ARHGAP24: variants seen among roughly 807,000 people sequenced by gnomAD.
ARHGAP24 encodes the protein rho GTPase-activating protein 24.
A neutral mutation model predicts 76.4 loss-of-function variants in ARHGAP24; 50 were observed. That is an observed-to-expected ratio of 0.65 (90% CI 0.52 to 0.83). The LOEUF (loss-of-function observed/expected upper bound fraction) is 0.83, where lower values mean the gene tolerates loss of function less well. Among genes scored for constraint, ARHGAP24 ranks in the 40% least tolerant of loss-of-function variants. The pLI is 0.00. For missense variants in ARHGAP24, 930 were observed against 914.2 expected, an observed-to-expected ratio of 1.02 and a Z score of -0.22; for synonymous variants, 345 against 323.3, an observed-to-expected ratio of 1.07 and a Z score of -0.72.
chr4:85,932,785 CG>C (rs1736415976), intron 4 of ARHGAP24, among the ~76,000 whole-genome samples: 1 of 152,178 alleles, frequency 6.6e-6, no homozygotes, highest in Admixed American at 6.5e-5. Context: ...AAGCGTTCAG[CG>C]GTTTTACGCT....
At chr4:85,580,467 A>T (rs1284807344) in intron 2 of ARHGAP24, among the ~76,000 whole-genome samples, 6 of 152,112 alleles carry the variant, frequency 3.9e-5, no homozygotes, top group Non-Finnish European at 5.9e-5. Context: ...GCTTCTTGCT[A>T]AAGTCCTATC....
At position 85,662,414 on chromosome 4, in the gene ARHGAP24, T is replaced by C. The variant is rs1281754693; in HGVS notation, c.181-59471T>C. Among the ~76,000 whole-genome samples the C allele has an allele frequency of 2.0e-5, 3 of 151,030 alleles. 1 individual carries two copies. Among genetic ancestry groups the C allele is most frequent in the African/African-American group, 5.0e-5 (2 of 40,314 alleles). On this transcript the variant is annotated intron_variant, in intron 2 of 9. Transcript: ENST00000395184. ...TTGAGTTCATTGTAGATTTTGGATA[T>C]TATCCCTTTGTCAGATGAGTTCGTT...
chr4:85,895,370 A>C (rs967541521), intron 3 of ARHGAP24, among the ~76,000 whole-genome samples: 1 of 152,132 alleles, frequency 6.6e-6, no homozygotes, highest in African/African-American at 2.4e-5. Context: ...ATTTATCTAC[A>C]CTATGGCCAG....
intron 2 of ARHGAP24, among the ~76,000 whole-genome samples, chr4:85,618,515 A>G (rs891989471): frequency 1.3e-5 from 2 of 152,122 alleles, no homozygotes; most frequent in Non-Finnish European, 2.9e-5. Context: ...GAGTTGCTGG[A>G]TCATATAGTA....
At chr4:85,486,009 G>T (rs1293712703) in intron 1 of ARHGAP24, among the ~76,000 whole-genome samples, 1 of 152,136 alleles carries the variant, frequency 6.6e-6, no homozygotes, top group Non-Finnish European at 1.5e-5. Context: ...AAAGTGCTGG[G>T]ATTACAGGCT....
intron 3 of ARHGAP24, among the ~76,000 whole-genome samples, chr4:85,821,764 T>C (rs1361029871): frequency 6.6e-6 from 1 of 152,194 alleles, no homozygotes; most frequent in Non-Finnish European, 1.5e-5. Context: ...TAGAATAATA[T>C]CAGATCATTA....
At chr4:85,662,442 G>A (rs1046562599) in intron 2 of ARHGAP24, among the ~76,000 whole-genome samples, 19 of 150,896 alleles carry the variant, frequency 1.3e-4, no homozygotes, top group Middle Eastern at 3.4e-3. Context: ...AGTTCGTTGC[G>A]AAAATTTTCT....
intron 3 of ARHGAP24, among the ~76,000 whole-genome samples, chr4:85,770,548 C>G (rs1038317179): frequency 5.9e-5 from 9 of 152,174 alleles, no homozygotes; most frequent in Non-Finnish European, 1.0e-4. Context: ...TCCTCTCAAT[C>G]CTCAAAGATG....
At chr4:85,556,094 G>A (rs1726350840) in intron 1 of ARHGAP24, among the ~76,000 whole-genome samples, 3 of 152,090 alleles carry the variant, frequency 2.0e-5, no homozygotes, top group African/African-American at 4.8e-5. Context: ...GTGGGTGGGG[G>A]TGACTGCAAC....
chr4:85,494,039 ATACT>A (rs1345731773), intron 1 of ARHGAP24, among the ~76,000 whole-genome samples: 1 of 152,202 alleles, frequency 6.6e-6, no homozygotes, highest in African/African-American at 2.4e-5. Context: ...GAATATTTAC[ATACT>A]TAAGTGAGTT....
chr4:85,642,708 T>A (rs938948500), intron 2 of ARHGAP24, among the ~76,000 whole-genome samples: 1 of 152,186 alleles, frequency 6.6e-6, no homozygotes, highest in African/African-American at 2.4e-5. Context: ...CCACTATCAT[T>A]TCTTACCTAG....
At chr4:85,570,364 C>CTCTT (rs56272553) in intron 1 of ARHGAP24, among the ~76,000 whole-genome samples, 158 bp from the exon 2 acceptor site, 19 of 140,064 alleles carry the variant, frequency 1.4e-4, no homozygotes, top group African/African-American at 5.1e-4. Flanking sequence ...TTCTTTCTTT[C>CTCTT]TCTTTCTTTC....
intron 4 of ARHGAP24, among the ~76,000 whole-genome samples, chr4:85,938,485 T>A (rs1200617304): frequency 6.6e-6 from 1 of 152,228 alleles, no homozygotes; most frequent in Non-Finnish European, 1.5e-5. Flanking sequence ...TCTGTTTTTT[T>A]AAAATGATTT....
chr4:85,795,328 T>C (rs974155436), intron 3 of ARHGAP24, among the ~76,000 whole-genome samples: 3 of 152,242 alleles, frequency 2.0e-5, no homozygotes, highest in South Asian at 2.1e-4. Context: ...TCCCTTCCTT[T>C]TTCTCCCTCT....
At chr4:85,945,879 A>G (rs1447965202) in intron 5 of ARHGAP24, among the ~76,000 whole-genome samples, 1 of 152,060 alleles carries the variant, frequency 6.6e-6, no homozygotes, top group African/African-American at 2.4e-5. Flanking sequence ...AAAATAATTT[A>G]CTATTCTGTA....
intron 3 of ARHGAP24, among the ~76,000 whole-genome samples, chr4:85,876,891 C>T (rs921745873): frequency 3.9e-5 from 6 of 152,122 alleles, no homozygotes; most frequent in Non-Finnish European, 8.8e-5. Flanking sequence ...AACAGCTGCA[C>T]GTTTGCAGGT....
At chr4:85,656,767 A>G (rs950324385) in intron 2 of ARHGAP24, among the ~76,000 whole-genome samples, 1 of 149,880 alleles carries the variant, frequency 6.7e-6, no homozygotes, top group Non-Finnish European at 1.5e-5. Flanking sequence ...CGCCTGGCCA[A>G]TAAAGCTTAT....
At chr4:85,794,964 A>G (rs1334350876) in intron 3 of ARHGAP24, among the ~76,000 whole-genome samples, 1 of 152,218 alleles carries the variant, frequency 6.6e-6, no homozygotes, top group Non-Finnish European at 1.5e-5. Context: ...CTCTTGGGTT[A>G]TCCCCCTTAA....
intron 2 of ARHGAP24, among the ~76,000 whole-genome samples, chr4:85,609,450 G>T (rs1164277604): frequency 6.6e-6 from 1 of 152,096 alleles, no homozygotes; most frequent in Non-Finnish European, 1.5e-5. Flanking sequence ...TTTTGAAAAT[G>T]TTTCAAGTTC....
Sources: allele counts gnomAD v4.1 joint callset (sites outside exome capture counted in the v4.1 genomes callset), GRCh38; gene constraint gnomAD v4.1.1; transcripts MANE v1.5; gene names NCBI Gene and HGNC (gene_info 2026-07-23, HGNC 2026-07-21).